The following HDAC9 variants were observed in gnomAD, a reference collection of about 807,000 sequenced individuals.
HDAC9 encodes the protein MEF-2 interacting transcription repressor (MITR) protein.
Under a neutral mutation model 139.4 loss-of-function variants are expected in HDAC9, and 41 were observed. That is an observed-to-expected ratio of 0.29 (90% CI 0.23 to 0.38). The LOEUF (loss-of-function observed/expected upper bound fraction) is 0.38. Ranked by LOEUF, HDAC9 falls within the 10% of genes least tolerant of loss-of-function variation. The pLI, the probability that HDAC9 is intolerant of heterozygous loss-of-function variation, is 1.00. For missense variants in HDAC9, 1,147 were observed against 1,297.0 expected (o/e 0.88, Z 1.78); for synonymous variants, 517 against 476.2 (o/e 1.09, Z -1.12).
chr7:18,915,647 T>TAA (rs11308716), intron 22 of HDAC9, among the ~76,000 whole-genome samples: 4 of 146,748 alleles, frequency 2.7e-5, no homozygotes, highest in East Asian at 2.0e-4. Context: ...CTGCCATTGT[T>TAA]AAAAAAAAAA....
chr7:18,572,971 A>T (rs1200101680), intron 2 of HDAC9, among the ~76,000 whole-genome samples: 1 of 152,252 alleles, frequency 6.6e-6, no homozygotes, highest in East Asian at 1.9e-4. Flanking sequence ...GTTTGGATTA[A>T]GTAAATCAAA....
chr7:18,743,056 G>A (rs75235099), intron 13 of HDAC9, among the ~76,000 whole-genome samples: 4,268 of 152,120 alleles, frequency 0.028, 110 homozygotes, highest in Admixed American at 0.047. Flanking sequence ...CATAATATCC[G>A]TAGTATATTC....
At chr7:18,818,145 C>T (rs1794704840) in intron 17 of HDAC9, among the ~76,000 whole-genome samples, 1 of 152,152 alleles carries the variant, frequency 6.6e-6, no homozygotes, top group Non-Finnish European at 1.5e-5. Flanking sequence ...TAGAATTTTT[C>T]CATACTGTGC....
At chr7:18,366,779 A>C (rs1294825035) in intron 1 of HDAC9, among the ~76,000 whole-genome samples, 1 of 152,114 alleles carries the variant, frequency 6.6e-6, no homozygotes, top group Non-Finnish European at 1.5e-5. Flanking sequence ...CACCTGGCTC[A>C]TATTTCATTC....
chr7:18,339,971 G>T (rs1337181998), intron 1 of HDAC9, among the ~76,000 whole-genome samples: 1 of 151,436 alleles, frequency 6.6e-6, no homozygotes, highest in African/African-American at 2.4e-5. Flanking sequence ...TTTTCTATCA[G>T]TTATTGAGAA....
intron 1 of HDAC9, among the ~76,000 whole-genome samples, chr7:18,394,521 T>A (rs1332428007): frequency 1.3e-5 from 2 of 152,130 alleles, no homozygotes; most frequent in African/African-American, 4.8e-5. Context: ...AGTACACATA[T>A]TGGGACCCTG....
intron 1 of HDAC9, among the ~76,000 whole-genome samples, chr7:18,445,108 TAAACG>T (rs1045636420): frequency 6.6e-6 from 1 of 152,086 alleles, no homozygotes; most frequent in African/African-American, 2.4e-5. Context: ...ATTCACCAAA[TAAACG>T]AAACAAGAAT....
intron 22 of HDAC9, among the ~76,000 whole-genome samples, chr7:18,925,552 A>C (rs368894514): frequency 6.6e-6 from 1 of 152,092 alleles, no homozygotes; most frequent in African/African-American, 2.4e-5. Context: ...TTATTTTTTG[A>C]GTCCTCTTGA....
chr7:18,512,480 T>C (rs1801825378), intron 2 of HDAC9, among the ~76,000 whole-genome samples: 1 of 152,184 alleles, frequency 6.6e-6, no homozygotes, highest in African/African-American at 2.4e-5. Flanking sequence ...TAAGAAAACT[T>C]GATCAGATTT....
intron 1 of HDAC9, among the ~76,000 whole-genome samples, chr7:18,120,755 A>G (rs1165204353): frequency 6.6e-6 from 1 of 152,214 alleles, no homozygotes; most frequent in Non-Finnish European, 1.5e-5. Context: ...TTGCTCATAC[A>G]TATGCATTGT....
chr7:18,799,017 T>G (rs1793052815), intron 17 of HDAC9, among the ~76,000 whole-genome samples: 1 of 150,294 alleles, frequency 6.7e-6, no homozygotes, highest in African/African-American at 2.5e-5. Context: ...GCTGCCTGGC[T>G]AAATATTTAA....
intron 24 of HDAC9, among the ~76,000 whole-genome samples, chr7:18,957,582 A>G (rs1248380551): frequency 2.6e-5 from 4 of 152,142 alleles, no homozygotes; most frequent in African/African-American, 9.7e-5. Flanking sequence ...GACCCAGTTC[A>G]AGATGAAACT....
intron 21 of HDAC9, among the ~76,000 whole-genome samples, chr7:18,841,204 A>G (rs1585134844): frequency 6.6e-6 from 1 of 152,234 alleles, no homozygotes; most frequent in African/African-American, 2.4e-5. Context: ...TAAACTGAAA[A>G]AGAGGTTTCT....
At chr7:18,650,657 G>A (rs1788944171) in intron 11 of HDAC9, among the ~76,000 whole-genome samples, 2 of 152,166 alleles carry the variant, frequency 1.3e-5, no homozygotes, top group South Asian at 4.1e-4. Flanking sequence ...AATCTTATCA[G>A]AGACCTTTTC....
At chr7:18,767,210 CT>C in intron 16 of HDAC9, 55 bp downstream of exon 16, 8 of 1,027,966 alleles carry the variant, frequency 7.8e-6, no homozygotes, top group Admixed American at 2.8e-5. Context: ...AAAAAAAAAT[CT>C]TTTTTGATTT....
chr7:18,259,093 C>T (rs1795474810), intron 2 of HDAC9, among the ~76,000 whole-genome samples: 1 of 151,548 alleles, frequency 6.6e-6, no homozygotes, highest in Non-Finnish European at 1.5e-5. Context: ...CCTCAGCCTC[C>T]CCAGTAGCTG....
chr7:18,953,626 T>C (rs11505418), intron 23 of HDAC9, among the ~76,000 whole-genome samples: 55,105 of 152,048 alleles, frequency 0.36, 10,885 homozygotes, highest in Non-Finnish European at 0.46. Flanking sequence ...ATTTGAACCC[T>C]TTCTCTACTA....
chr7:18,976,231 T>C (rs1784541706), intron 25 of HDAC9, among the ~76,000 whole-genome samples: 1 of 152,212 alleles, frequency 6.6e-6, no homozygotes, highest in Non-Finnish European at 1.5e-5. Context: ...TATCAGATAA[T>C]TGAGTGCAGA....
Position 18,458,230 on chromosome 7 carries a change from A to G in HDAC9, c.-41-38032A>G, listed in dbSNP as rs192387582. On this transcript the variant is annotated intron_variant, in intron 1 of 3. Transcript: ENST00000413509. The stretch of plus-strand genomic sequence containing the variant: ...GGTTGACCAGAATTCACAGGTGAAA[A>G]TGATGAAAAGAATGTATTGAAATGA... 2.0e-4 allele frequency among the ~76,000 whole-genome samples: 31 copies of G among 152,272 alleles called. 1 individual carries two copies. The highest frequency in any genetic ancestry group is 2.0e-3 in the Admixed American group (31 of 15,284).
Sources: gnomAD v4.1 joint callset for allele counts (sites outside exome capture counted in the v4.1 genomes callset) on GRCh38, gnomAD v4.1.1 for gene constraint, MANE v1.5 for transcripts, NCBI Gene and HGNC (gene_info 2026-07-23, HGNC 2026-07-21) for gene names.